Variants in KAT8 observed in about 807,000 individuals in gnomAD.
KAT8 encodes the protein histone acetyltransferase KAT8.
Under a neutral mutation model 62.9 loss-of-function variants are expected in KAT8, and 40 were observed. That is an observed-to-expected ratio of 0.64 (90% CI 0.49 to 0.83). The LOEUF (loss-of-function observed/expected upper bound fraction) is 0.83. Ranked by LOEUF, KAT8 falls within the 40% of genes least tolerant of loss-of-function variation. The probability of loss-of-function intolerance (pLI) is 0.00; values close to 1 mark genes in which losing one functional copy is unlikely to be tolerated. For missense variants in KAT8, 387 were observed against 614.8 expected (o/e 0.63, Z 3.92); for synonymous variants, 278 against 254.5 (o/e 1.09, Z -0.88).
chr16:31,121,386 G>A (rs2057492367), intron 3 of KAT8, among the ~76,000 whole-genome samples: 1 of 152,114 alleles, frequency 6.6e-6, no homozygotes, highest in Admixed American at 6.6e-5. Context: ...CTCCCAAAGT[G>A]CTGGGATTAC....
intron 1 of KAT8, among the ~76,000 whole-genome samples, chr16:31,119,971 C>T (rs1234801492): frequency 6.6e-6 from 1 of 152,078 alleles, no homozygotes; most frequent in Admixed American, 6.6e-5. Context: ...GTGAGCCACA[C>T]ACCCAGCCAG....
rs887409146 is a variant in KAT8, at chr16:31,129,873, G to A, written c.772-144G>A. ...CATTTCCAGTTCCCTGTTCGTCAGA[G>A]GCTGACCGAAGACTCCTTCCAGTGT... On this transcript the variant is annotated intron_variant, in intron 6 of 10. Coordinates refer to ENST00000219797, the MANE Select transcript of KAT8 (RefSeq NM_032188.3). The A allele has an allele frequency of 1.1e-5, 10 of 901,212 alleles. No homozygotes were observed. In the East Asian group the frequency reaches 1.9e-4, roughly 17 times the overall value. 55.8% of individuals were successfully genotyped at this position (901,212 alleles called of 1,614,324 possible).
At chr16:31,124,083 T>G (rs1003680830) in intron 3 of KAT8, 2 of 152,276 alleles carry the variant, frequency 1.3e-5, no homozygotes, top group Non-Finnish European at 2.9e-5. Flanking sequence ...TTTGTAGTTC[T>G]TTATTGCATT....
chr16:31,128,212 CA>C (rs957754941), intron 6 of KAT8, 73 bp downstream of exon 6: 2 of 1,186,330 alleles, frequency 1.7e-6, no homozygotes, highest in African/African-American at 3.0e-5. Flanking sequence ...TCATCACCAC[CA>C]AAGGGGAGGG....
intron 5 of KAT8, among the ~76,000 whole-genome samples, chr16:31,127,738 G>A (rs551669368): frequency 3.3e-5 from 5 of 152,350 alleles, no homozygotes; most frequent in South Asian, 4.1e-4. Flanking sequence ...GCTGCTTCCC[G>A]AAGTGTGGAA....
intron 5 of KAT8, 151 bp from the exon 6 acceptor site, chr16:31,127,899 T>G (rs1476501705): frequency 1.6e-6 from 1 of 644,208 alleles, no homozygotes; most frequent in Non-Finnish European, 2.8e-6. Context: ...ATCACTTTCC[T>G]AAGGCTGCTG....
rs1567437433 is a variant in KAT8, at chr16:31,130,262, TG to T, written c.913-4del. ...CCAGCGGCCCTGAGCACCTGCCTCC[TG>T]CAGGAGAAGGAGTCCCCGGATGGAA... On this transcript the variant is annotated splice_polypyrimidine_tract_variant and splice_region_variant and intron_variant, in intron 7 of 10. Transcript: ENST00000219797. 1.9e-6 allele frequency: 3 copies of T among 1,614,120 alleles called. No individual in the cohort carries two copies.
At position 31,131,180 on chromosome 16, in the gene KAT8, C is replaced by G. The variant is rs2057576436; in HGVS notation, c.1313-15C>G. 4 of 1,613,832 alleles carry G rather than the reference C, an allele frequency of 2.5e-6. No individual in the cohort carries two copies. Among genetic ancestry groups the G allele is most frequent in the Non-Finnish European group, 3.4e-6 (4 of 1,179,834 alleles). ...GCCCAGGCCCAGCCCTGCCTCCCGC[C>G]CCTTCTCCCCACAGTGGACTCCGTC... On this transcript the variant is annotated splice_polypyrimidine_tract_variant and intron_variant, in intron 10 of 10. Coordinates refer to ENST00000219797, the MANE Select transcript of KAT8 (RefSeq NM_032188.3).
Position 31,127,300 on chromosome 16 carries a change from T to C in KAT8, c.628T>C (p.Cys210Arg). The C allele has an allele frequency of 6.2e-7, 1 of 1,614,252 alleles. No homozygotes were observed. The highest frequency in any genetic ancestry group is 1.3e-5 in the African/African-American group (1 of 75,072). Residue 210 changes from cysteine (C) to arginine (R), a missense_variant, in exon 5 of 11, where the codon TGC (cysteine) becomes CGC (arginine). Around this residue, in one of 6 missense-constraint regions of KAT8, gnomAD observed 141 missense variants for 222.5 expected, o/e 0.63. Transcript: ENST00000219797. ...TGGGAAACAGCCCAAGCTCTGGCTCTGCGAGTACTGCCTCAAGTACATGAA... is the reference window on the plus strand; with the variant it reads ...TGGGAAACAGCCCAAGCTCTGGCTCCGCGAGTACTGCCTCAAGTACATGAA... ...DYGKQPKLWL[C>R]EYCLKYMKYE...
chr16:31,123,143 A>G (rs894563438), intron 3 of KAT8, among the ~76,000 whole-genome samples: 3 of 152,106 alleles, frequency 2.0e-5, no homozygotes, highest in Non-Finnish European at 2.9e-5. Context: ...AGATCATGCC[A>G]CTGCACTCCA....
In KAT8 at chr16:31,127,108, T is replaced by G; in HGVS notation, c.516+20T>G. ...GAGGCGGTAAGTGGGGCTGGGAAGCTGCCTGCAGGTCCCCCGTCTCCCCTT... is the reference window on the plus strand; with the variant it reads ...GAGGCGGTAAGTGGGGCTGGGAAGCGGCCTGCAGGTCCCCCGTCTCCCCTT... On this transcript the variant is annotated intron_variant, in intron 4 of 10. Transcript: ENST00000219797. The G allele has an allele frequency of 6.2e-7, 1 of 1,614,012 alleles. No individual in the cohort carries two copies. The highest frequency in any genetic ancestry group is 8.5e-7 in the Non-Finnish European group (1 of 1,179,918).
Position 31,130,520 on chromosome 16 carries a change from C to T in KAT8, c.1071C>T (p.Gly357=). ...GSPEKPLSDL[G]KLSYRSYWSW... ...CGGAGAAGCCACTGTCTGACCTGGG[C>T]AAGCTCAGCTACCGCAGCTACTGGT... The change falls in exon 9 of 11, where the codon GGC becomes GGT. Residue 357 remains glycine (G), a synonymous_variant. Coordinates refer to ENST00000219797, the MANE Select transcript of KAT8 (RefSeq NM_032188.3). 6.2e-7 allele frequency: 1 copy of T among 1,614,134 alleles called. No homozygotes were observed. Among genetic ancestry groups the T allele is most frequent in the South Asian group, 1.1e-5 (1 of 91,092 alleles).
intron 6 of KAT8, among the ~76,000 whole-genome samples, chr16:31,129,241 C>T (rs2057554616): frequency 1.3e-5 from 2 of 152,180 alleles, no homozygotes; most frequent in Non-Finnish European, 2.9e-5. Flanking sequence ...GCTTGATTAG[C>T]CTTGGACTCG....
Position 31,130,035 on chromosome 16 carries a change from T to A in KAT8, c.790T>A (p.Cys264Ser). Residue 264 changes from cysteine (C) to serine (S), a missense_variant, in exon 7 of 11, where the codon TGT becomes AGT. Cys to Ser is a moderately radical substitution (Grantham distance 112). This residue lies in a region of KAT8 where 141 missense variants were observed against 222.5 expected (regional missense o/e 0.63). Coordinates refer to ENST00000219797, the MANE Select transcript of KAT8 (RefSeq NM_032188.3). ...KDHKIYCQNL[C>S]LLAKLFLDHK... ...ACCCTAGATTTACTGTCAGAACCTG[T>A]GTCTGCTGGCCAAGCTTTTCCTGGA... The A allele has an allele frequency of 6.2e-7, 1 of 1,614,214 alleles. No individual in the cohort carries two copies. The highest frequency in any genetic ancestry group is 8.5e-7 in the Non-Finnish European group (1 of 1,180,036).
intron 1 of KAT8, 192 bp downstream of exon 1, chr16:31,118,084 C>T (rs1273897805): frequency 2.3e-6 from 1 of 433,512 alleles, no homozygotes; most frequent in African/African-American, 2.0e-5. Flanking sequence ...GGCTGTTGAC[C>T]TTGAATTATG....
At position 31,118,087 on chromosome 16, in the gene KAT8, G is replaced by A. The variant is rs2057463450; in HGVS notation, c.211+195G>A. 2.3e-5 allele frequency: 10 copies of A among 426,322 alleles called. No individual in the cohort carries two copies. In the East Asian group the frequency reaches 3.6e-4, roughly 15 times the overall value. 26.4% of individuals were successfully genotyped at this position (426,322 alleles called of 1,614,324 possible). On this transcript the variant is annotated intron_variant, in intron 1 of 10. Transcript: ENST00000219797. Reference sequence around the variant, plus strand: ...CGGGTTGTGGGAGGCTGTTGACCTTGAATTATGCCGAGCGACGCCTACAAA... The same window carrying A: ...CGGGTTGTGGGAGGCTGTTGACCTTAAATTATGCCGAGCGACGCCTACAAA...
chr16:31,128,738 G>T (rs910484295), intron 6 of KAT8, among the ~76,000 whole-genome samples: 1 of 152,192 alleles, frequency 6.6e-6, no homozygotes, highest in Non-Finnish European at 1.5e-5. Context: ...CTCTCCTTCC[G>T]TTGGAAAGAA....
chr16:31,117,688 G>A lies in KAT8; in HGVS notation c.7G>A (p.Ala3Thr). Residue 3 changes from alanine (A) to threonine (T), a missense_variant, in exon 1 of 11, where the codon GCA (alanine) becomes ACA (threonine). This residue lies in a region of KAT8 where 92 missense variants were observed against 78.8 expected (regional missense o/e 1.17). Coordinates refer to ENST00000219797, the MANE Select transcript of KAT8 (RefSeq NM_032188.3). MA[A>T]QGAAAAVAAG... Reference sequence around the variant, plus strand: ...CGTCACTTCCCTTCCCGCGATGGCGGCACAGGGAGCTGCTGCGGCGGTTGC... The same window carrying A: ...CGTCACTTCCCTTCCCGCGATGGCGACACAGGGAGCTGCTGCGGCGGTTGC... 1.4e-6 allele frequency: 2 copies of A among 1,396,328 alleles called. No individual in the cohort carries two copies. The highest frequency in any genetic ancestry group is 1.5e-5 in the African/African-American group (1 of 65,918). 86.5% of individuals were successfully genotyped at this position (1,396,328 alleles called of 1,614,324 possible).
chr16:31,128,738 G>A (rs910484295), intron 6 of KAT8, among the ~76,000 whole-genome samples: 15 of 152,192 alleles, frequency 9.9e-5, no homozygotes, highest in African/African-American at 1.9e-4. Flanking sequence ...CTCTCCTTCC[G>A]TTGGAAAGAA....
Sources: gnomAD v4.1 joint callset for allele counts (sites outside exome capture counted in the v4.1 genomes callset) on GRCh38, gnomAD v4.1.1 for gene constraint, gnomAD v4.1.1 regional missense constraint, MANE v1.5 for transcripts, NCBI Gene and HGNC (gene_info 2026-07-23, HGNC 2026-07-21) for gene names.